KRT8: variants seen among roughly 807,000 people sequenced by gnomAD.
The protein encoded by KRT8 is keratin 8, also known as keratin, type II cytoskeletal 8.
A neutral mutation model predicts 43.0 loss-of-function variants in KRT8; 24 were observed. The ratio of observed to expected loss-of-function variants is 0.56; its 90% confidence interval spans 0.40 to 0.78. The LOEUF (loss-of-function observed/expected upper bound fraction) is 0.78. Among genes scored for constraint, KRT8 ranks in the 30% least tolerant of loss-of-function variants. The probability of loss-of-function intolerance (pLI) is 0.00; values close to 1 mark genes in which losing one functional copy is unlikely to be tolerated. For missense variants in KRT8, 492 were observed against 638.4 expected (o/e 0.77, Z 2.47); for synonymous variants, 214 against 261.2 (o/e 0.82, Z 1.74).
chr12:52,946,608 C>T (rs192205269), intron 2 of KRT8: 99 of 152,270 alleles, frequency 6.5e-4, no homozygotes, highest in African/African-American at 2.2e-3. Context: ...AAAGGCAGTA[C>T]GTAGCTTGTT....
chr12:52,911,670 C>T (rs73110458), upstream of KRT8, among the ~76,000 whole-genome samples: 1,465 of 152,282 alleles, frequency 9.6e-3, 13 homozygotes, highest in Middle Eastern at 0.031. Flanking sequence ...CAAGGTCATG[C>T]AGCAGTGTGG....
chr12:52,908,137 G>A (rs184539242), upstream of KRT8, among the ~76,000 whole-genome samples: 81 of 152,346 alleles, frequency 5.3e-4, no homozygotes, highest in African/African-American at 1.9e-3. Flanking sequence ...CTGAGACCCT[G>A]AGCAGTGGCA....
At chr12:52,908,198 G>A (rs187813417), upstream of KRT8, among the ~76,000 whole-genome samples, 1 of 152,278 alleles carries the variant, frequency 6.6e-6, no homozygotes, top group East Asian at 1.9e-4. Flanking sequence ...CATCACTCAT[G>A]ATCATGGGAA....
At chr12:52,905,584 T>C (rs1241336236), upstream of KRT8, among the ~76,000 whole-genome samples, 1 of 152,170 alleles carries the variant, frequency 6.6e-6, no homozygotes, top group Non-Finnish European at 1.5e-5. Flanking sequence ...AAGCCTTGAA[T>C]CTGAAATCAA....
At chr12:52,898,372 GTGAGCGAC>G in intron 7 of KRT8, 81 bp downstream of exon 7, 3 of 1,126,150 alleles carry the variant, frequency 2.7e-6, no homozygotes, top group Non-Finnish European at 3.9e-6. Flanking sequence ...TGAGGTCACT[GTGAGCGAC>G]TGAGCACAGC....
chr12:52,899,951 C>A (rs11554280), exon 5 of KRT8: 1 of 1,613,422 alleles, frequency 6.2e-7, no homozygotes, highest in South Asian at 1.1e-5. Flanking sequence ...TTGGCAATAT[C>A]CTCGTACTGT....
intron 2 of KRT8, among the ~76,000 whole-genome samples, chr12:52,928,541 C>G (rs1173813618): frequency 6.6e-6 from 1 of 152,196 alleles, no homozygotes; most frequent in Non-Finnish European, 1.5e-5. Flanking sequence ...ACTCCTCCCA[C>G]CCCCATCCCA....
intron 2 of KRT8, among the ~76,000 whole-genome samples, chr12:52,917,732 C>T (rs570371071): frequency 2.4e-4 from 29 of 122,708 alleles, no homozygotes; most frequent in South Asian, 2.3e-3. Context: ...AAAAAAAATT[C>T]GCCAGGCGTT....
At position 52,900,978 on chromosome 12, in the gene KRT8, TTC is replaced by T. The variant is rs1941355230; in HGVS notation, c.594+179_594+180del. 7.3e-6 allele frequency: 5 copies of T among 689,224 alleles called. No homozygotes were observed. In the East Asian group the frequency reaches 1.3e-4, roughly 18 times the overall value. 42.7% of individuals were successfully genotyped at this position (689,224 alleles called of 1,614,324 possible). On this transcript the variant is annotated intron_variant, in intron 3 of 7. Transcript: ENST00000692008. ...CATGTCCCAACACCGATGTCAAGAG[TTC>T]TGTCCAAATGCACCTACCACTCCAT... is the stretch of plus-strand genomic sequence containing the variant.
Position 52,923,406 on chromosome 12 carries a change from T to C in KRT8, c.-46-18379A>G, listed in dbSNP as rs951246124. On this transcript the variant is annotated intron_variant, in intron 2 of 6. Transcript: ENST00000546826. The stretch of plus-strand genomic sequence containing the variant: ...ATGAAGGGGCAGGACCATTTATTCC[T>C]AAATTGTTTTGTTTTGTTTTGTTTT... Among the ~76,000 whole-genome samples the C allele has an allele frequency of 3.3e-5, 5 of 152,114 alleles. No individual in the cohort carries two copies. In the South Asian group the frequency reaches 1.0e-3, roughly 32 times the overall value.
At chr12:52,928,837 T>C (rs1039662763) in intron 2 of KRT8, among the ~76,000 whole-genome samples, 41 of 151,848 alleles carry the variant, frequency 2.7e-4, no homozygotes, top group African/African-American at 9.0e-4. Flanking sequence ...CCCCGGGAGG[T>C]GGAGGTTGCA....
chr12:52,898,606 G>C, intron 6 of KRT8, 73 bp downstream of exon 6: 2 of 1,612,294 alleles, frequency 1.2e-6, no homozygotes, highest in Non-Finnish European at 1.7e-6. Context: ...AGGGGCTTCA[G>C]GGGGCTCCCA....
chr12:52,949,825 A>G, exon 1 of KRT8: 1 of 704,802 alleles, frequency 1.4e-6, no homozygotes. Context: ...AGAGCTTTAC[A>G]GAGGAAGTGG....
intron 1 of KRT8, 27 bp from the exon 2 acceptor site, chr12:52,902,099 G>C (rs1565718189): frequency 1.4e-6 from 2 of 1,458,828 alleles, no homozygotes; most frequent in East Asian, 4.5e-5. Context: ...AGAGCAAAAA[G>C]GTCTACATCA....
At chr12:52,911,342 A>G (rs532568081), upstream of KRT8, among the ~76,000 whole-genome samples, 169 of 140,896 alleles carry the variant, frequency 1.2e-3, 1 homozygote, top group African/African-American at 4.2e-3. Context: ...ACAGAGTGAG[A>G]CTCCGTCTCA....
At chr12:52,922,770 G>A (rs1219335342) in intron 2 of KRT8, among the ~76,000 whole-genome samples, 6 of 152,216 alleles carry the variant, frequency 3.9e-5, no homozygotes, top group Non-Finnish European at 7.3e-5. Context: ...TACTTCCTAA[G>A]TCATGTAGCA....
intron 1 of KRT8, among the ~76,000 whole-genome samples, chr12:52,903,050 G>A (rs561585168): frequency 4.6e-5 from 7 of 152,164 alleles, no homozygotes; most frequent in African/African-American, 1.7e-4. Flanking sequence ...CTAAACTGGA[G>A]GGGACAGAAA....
intron 2 of KRT8, among the ~76,000 whole-genome samples, chr12:52,914,345 T>C (rs1407045514): frequency 6.6e-6 from 1 of 152,122 alleles, no homozygotes; most frequent in East Asian, 1.9e-4. Context: ...GAGACCAGCC[T>C]GACCAACATG....
intron 5 of KRT8, 56 bp downstream of exon 5, chr12:52,899,719 C>T: frequency 4.0e-6 from 6 of 1,493,678 alleles, no homozygotes. Context: ...CCTACATTAT[C>T]TCCTCTCACC....
Sources: gnomAD v4.1 joint callset for allele counts (sites outside exome capture counted in the v4.1 genomes callset) on GRCh38, gnomAD v4.1.1 for gene constraint, MANE v1.5 for transcripts, NCBI Gene and HGNC (gene_info 2026-07-23, HGNC 2026-07-21) for gene names.